Variants in SNX24 observed in about 807,000 individuals in gnomAD.
SNX24 encodes the protein sorting nexin 24.
SNX24 carries 22 observed loss-of-function variants against 28.7 expected under a neutral mutation model. That is an observed-to-expected ratio of 0.77 (90% CI 0.55 to 1.10). SNX24 has a LOEUF of 1.10. SNX24 is among the 50% of genes least tolerant of loss of function. The probability of loss-of-function intolerance (pLI) is 0.00; values close to 1 mark genes in which losing one functional copy is unlikely to be tolerated. For missense variants in SNX24, 221 were observed against 201.1 expected (o/e 1.10, Z -0.60); for synonymous variants, 69 against 71.5 (o/e 0.96, Z 0.18).
intron 5 of SNX24, among the ~76,000 whole-genome samples, chr5:123,025,175 T>C (rs997718564): frequency 1.3e-5 from 2 of 152,214 alleles, no homozygotes; most frequent in Non-Finnish European, 2.9e-5. Context: ...TAACATAAAA[T>C]GTGCCATCTT....
intron 1 of SNX24, among the ~76,000 whole-genome samples, chr5:122,891,906 G>C (rs548962085): frequency 1.3e-5 from 2 of 152,298 alleles, no homozygotes; most frequent in South Asian, 4.1e-4. Flanking sequence ...GTGACCAAAA[G>C]TTTGCTTCTC....
chr5:122,957,319 T>C (rs1302845504), intron 3 of SNX24, among the ~76,000 whole-genome samples: 3 of 152,226 alleles, frequency 2.0e-5, no homozygotes, highest in African/African-American at 7.2e-5. Flanking sequence ...AAAAAACCGT[T>C]GGACCATATA....
intron 1 of SNX24, among the ~76,000 whole-genome samples, chr5:122,869,685 T>C (rs1755884541): frequency 6.6e-6 from 1 of 152,218 alleles, no homozygotes; most frequent in Non-Finnish European, 1.5e-5. Context: ...ATAAAAATTA[T>C]TGGAATATAT....
chr5:122,856,657 A>C lies in SNX24; in HGVS notation c.60+10964A>C, dbSNP rs545480522. ...TAGCCTCCCTAGTAGCTGGGATTAC[A>C]GGTGCCCGCCAACATGCCTGGCTAA... On this transcript the variant is annotated intron_variant, in intron 1 of 6. Transcript: ENST00000261369. Among the ~76,000 whole-genome samples the C allele has an allele frequency of 1.4e-4, 21 of 151,804 alleles. No individual in the cohort carries two copies. In the South Asian group the frequency reaches 4.4e-3, roughly 32 times the overall value.
chr5:123,024,798 T>C (rs1040312544), intron 5 of SNX24, among the ~76,000 whole-genome samples: 1 of 152,066 alleles, frequency 6.6e-6, no homozygotes, highest in Non-Finnish European at 1.5e-5. Flanking sequence ...ATAAGTCACA[T>C]GAAAACAAAA....
At chr5:122,867,686 G>A (rs1755782414) in intron 1 of SNX24, among the ~76,000 whole-genome samples, 1 of 152,126 alleles carries the variant, frequency 6.6e-6, no homozygotes, top group South Asian at 2.1e-4. Context: ...AGGCACAGAA[G>A]GAGTCATTTT....
chr5:122,923,331 C>T (rs929601538), intron 1 of SNX24, among the ~76,000 whole-genome samples: 2 of 150,384 alleles, frequency 1.3e-5, no homozygotes, highest in African/African-American at 4.9e-5. Context: ...AGAGTGAGAC[C>T]CCATCTCTAA....
At chr5:122,988,465 G>A (rs956170553) in intron 3 of SNX24, among the ~76,000 whole-genome samples, 1 of 152,188 alleles carries the variant, frequency 6.6e-6, no homozygotes, top group Non-Finnish European at 1.5e-5. Context: ...GAATATTAGT[G>A]TAAATTCTTG....
chr5:122,904,967 C>G (rs142943138), intron 1 of SNX24, among the ~76,000 whole-genome samples: 22 of 152,310 alleles, frequency 1.4e-4, no homozygotes, highest in African/African-American at 5.3e-4. Flanking sequence ...TCTAGCAGGC[C>G]TGGTGTGGGT....
chr5:123,025,939 C>A, intron 5 of SNX24: 1 of 1,607,636 alleles, frequency 6.2e-7, no homozygotes, highest in Non-Finnish European at 8.5e-7. Flanking sequence ...AAGTTCTCAT[C>A]TGGAAATGTC....
At chr5:122,954,502 T>C (rs772937357) in intron 3 of SNX24, among the ~76,000 whole-genome samples, 1 of 152,046 alleles carries the variant, frequency 6.6e-6, no homozygotes, top group Non-Finnish European at 1.5e-5. Flanking sequence ...GCTTTTGGAT[T>C]GGTGACCAAT....
At position 122,886,031 on chromosome 5, in the gene SNX24, G is replaced by A. The variant is rs144898982; in HGVS notation, c.60+40338G>A. On this transcript the variant is annotated intron_variant, in intron 1 of 6. Transcript: ENST00000261369. ...AACAGGCCACAGACCGTTTCCCCGC[G>A]GCCCAGGGGTTGAGGGCCCCTGTGC... Among the ~76,000 whole-genome samples, 8 of 152,206 alleles carry A rather than the reference G, an allele frequency of 5.3e-5. No homozygotes were observed. In the East Asian group the frequency reaches 5.8e-4, roughly 11 times the overall value.
downstream of SNX24, among the ~76,000 whole-genome samples, chr5:123,013,599 A>G (rs1315955883): frequency 6.6e-6 from 1 of 152,130 alleles, no homozygotes; most frequent in Non-Finnish European, 1.5e-5. Context: ...AGGGCATATT[A>G]TCTATGTTAA....
chr5:122,887,634 A>T (rs562453005), intron 1 of SNX24, among the ~76,000 whole-genome samples: 3 of 152,164 alleles, frequency 2.0e-5, no homozygotes, highest in African/African-American at 7.2e-5. Context: ...TTCCTCTTCC[A>T]CTTCACCAGT....
At chr5:123,009,292 CAA>C (rs1344880025), downstream of SNX24, 4 of 854,148 alleles carry the variant, frequency 4.7e-6, no homozygotes, top group African/African-American at 7.3e-5. Flanking sequence ...TGTGCACACA[CAA>C]AACCTCTCAC....
intron 3 of SNX24, among the ~76,000 whole-genome samples, chr5:122,979,608 G>A (rs181258212): frequency 1.3e-4 from 20 of 152,296 alleles, no homozygotes; most frequent in African/African-American, 4.1e-4. Context: ...GAACATTTGT[G>A]GTCATCACTT....
chr5:123,008,720 G>A lies in SNX24; in HGVS notation c.*971G>A. ...CAAGGGTGTGCATTCATTTTAGGTGGGATCGCCACAGGATTTCATGTTATT... is the reference window on the plus strand; with the variant it reads ...CAAGGGTGTGCATTCATTTTAGGTGAGATCGCCACAGGATTTCATGTTATT... On this transcript the variant is annotated 3_prime_UTR_variant, in exon 7 of 7. Coordinates refer to ENST00000261369, the MANE Select transcript of SNX24 (RefSeq NM_014035.4). The A allele has an allele frequency of 3.0e-6, 1 of 331,740 alleles. No homozygotes were observed. The highest frequency in any genetic ancestry group is 4.3e-6 in the Non-Finnish European group (1 of 232,582). 20.5% of individuals were successfully genotyped at this position (331,740 alleles called of 1,614,324 possible).
downstream of SNX24, among the ~76,000 whole-genome samples, chr5:123,013,423 G>T (rs1412107274): frequency 6.6e-6 from 1 of 152,148 alleles, no homozygotes; most frequent in Non-Finnish European, 1.5e-5. Context: ...TTTTATTCTT[G>T]ATGATAATTA....
At chr5:123,029,089 C>T (rs900087528) in intron 5 of SNX24, 1 of 940,154 alleles carries the variant, frequency 1.1e-6, no homozygotes, top group South Asian at 1.8e-5. Flanking sequence ...TAAAAGAGAG[C>T]AAACCATATT....
Sources: allele counts gnomAD v4.1 joint callset (sites outside exome capture counted in the v4.1 genomes callset), GRCh38; gene constraint gnomAD v4.1.1; transcripts MANE v1.5; gene names NCBI Gene and HGNC (gene_info 2026-07-23, HGNC 2026-07-21).